The following COX7A2 variants were observed in gnomAD, a reference collection of about 807,000 sequenced individuals.
COX7A2 encodes the protein cytochrome c oxidase subunit 7A2, mitochondrial.
A neutral mutation model predicts 11.6 loss-of-function variants in COX7A2; 11 were observed. The ratio of observed to expected loss-of-function variants is 0.95; its 90% CI spans 0.60 to 1.57. The LOEUF (loss-of-function observed/expected upper bound fraction) is 1.57, where lower values mean the gene tolerates loss of function less well. COX7A2 is among the 40% of genes most tolerant of loss of function. The pLI, the probability that COX7A2 is intolerant of heterozygous loss-of-function variation, is 0.00. For synonymous variants in COX7A2, 30 were observed against 38.2 expected, an observed-to-expected ratio of 0.78 and a Z score of 0.79; for missense variants, 106 against 100.9, an observed-to-expected ratio of 1.05 and a Z score of -0.22.
chr6:75,241,072 T>C (rs1771486967), intron 2 of COX7A2, 104 bp downstream of exon 2: 2 of 1,394,500 alleles, frequency 1.4e-6, no homozygotes, highest in Non-Finnish European at 9.7e-7. Flanking sequence ...GTAATGTTTA[T>C]ATTGTCATAT....
At chr6:75,243,520 A>G (rs1771588222) in intron 1 of COX7A2, among the ~76,000 whole-genome samples, 197 bp downstream of exon 1, 1 of 152,074 alleles carries the variant, frequency 6.6e-6, no homozygotes, top group African/African-American at 2.4e-5. Context: ...TCCACTCCTT[A>G]CATCTACCCA....
At chr6:75,242,228 G>A (rs1771525291) in intron 1 of COX7A2, among the ~76,000 whole-genome samples, 1 of 151,982 alleles carries the variant, frequency 6.6e-6, no homozygotes, top group East Asian at 1.9e-4. Context: ...TACTTGGCCA[G>A]GCGCGGTGGC....
intron 1 of COX7A2, among the ~76,000 whole-genome samples, chr6:75,242,491 A>T (rs1771537303): frequency 6.8e-6 from 1 of 147,782 alleles, no homozygotes; most frequent in Non-Finnish European, 1.5e-5. Context: ...GGGCGACAAG[A>T]ATGAAACTCC....
At chr6:75,247,226 C>T (rs1008116413), upstream of COX7A2, among the ~76,000 whole-genome samples, 200 of 151,826 alleles carry the variant, frequency 1.3e-3, no homozygotes, top group African/African-American at 4.6e-3. Context: ...CCTTTTTTTC[C>T]TTGTCTGCTT....
chr6:75,249,765 T>G (rs1771751559), intron 1 of COX7A2, among the ~76,000 whole-genome samples: 3 of 152,200 alleles, frequency 2.0e-5, no homozygotes, highest in Admixed American at 2.0e-4. Flanking sequence ...TTAAACAACT[T>G]GAAGGGCTAC....
At chr6:75,242,200 CA>C (rs754113298) in intron 1 of COX7A2, among the ~76,000 whole-genome samples, 165 of 141,648 alleles carry the variant, frequency 1.2e-3, no homozygotes, top group African/African-American at 2.4e-3. Flanking sequence ...AACTCCATCT[CA>C]AAAAAAAAAA....
At position 75,243,634 on chromosome 6, in the gene COX7A2, G is replaced by A. The variant is rs1381448864; in HGVS notation, c.18+83C>T. ...TTAGCCGCCTTCGGCACCCCTCCCA[G>A]GTGAGGGTTTTCTGTCGTGGTGCCT... On this transcript the variant is annotated intron_variant, in intron 1 of 3. Transcript: ENST00000684430. 5.2e-6 allele frequency: 7 copies of A among 1,344,042 alleles called. No individual in the cohort carries two copies. In the Admixed American group the frequency reaches 5.3e-5, roughly 10 times the overall value. 83.3% of individuals were successfully genotyped at this position (1,344,042 alleles called of 1,614,324 possible).
intron 3 of COX7A2, among the ~76,000 whole-genome samples, chr6:75,240,052 G>A (rs1358779866): frequency 6.6e-6 from 1 of 151,920 alleles, no homozygotes; most frequent in Non-Finnish European, 1.5e-5. Context: ...AGTGAGCCGA[G>A]ATCGCGCCAT....
At chr6:75,244,952 A>C (rs1771647554), upstream of COX7A2, among the ~76,000 whole-genome samples, 1 of 152,130 alleles carries the variant, frequency 6.6e-6, no homozygotes, top group African/African-American at 2.4e-5. Flanking sequence ...CTCTGGGCAA[A>C]ATTACCACGT....
intron 1 of COX7A2, among the ~76,000 whole-genome samples, chr6:75,248,901 G>A (rs1771735412): frequency 6.6e-6 from 1 of 152,150 alleles, no homozygotes; most frequent in Non-Finnish European, 1.5e-5. Context: ...CCAGATGACT[G>A]GTACAACAAA....
chr6:75,250,008 G>C (rs934183385), intron 1 of COX7A2: 1 of 146,934 alleles, frequency 6.8e-6, no homozygotes, highest in East Asian at 2.0e-4. Flanking sequence ...ACACAATACA[G>C]TGATTAGGTT....
chr6:75,243,396 G>C (rs1248842510), intron 1 of COX7A2, among the ~76,000 whole-genome samples: 2 of 152,054 alleles, frequency 1.3e-5, no homozygotes, highest in Non-Finnish European at 2.9e-5. Context: ...CCTGGGTCTT[G>C]GTTTTACTCA....
chr6:75,240,370 GA>G lies in COX7A2; in HGVS notation c.123del (p.Pro42HisfsTer4). The G allele has an allele frequency of 6.4e-7, 1 of 1,556,716 alleles. No homozygotes were observed. The highest frequency in any genetic ancestry group is 8.7e-7 in the Non-Finnish European group (1 of 1,152,746). On this transcript the variant is annotated frameshift_variant, in exon 3 of 4. Transcript: ENST00000684430. LOFTEE classifies it high-confidence loss of function. ...KQKLFQEDDEIPLYLKGGVAD... is the reference protein window; with the variant it reads ...KQKLFQEDDEXPLYLKGGVAD... ...GCTACCCCACCCTTTAGATACAGTG[GA>G]ATTTCATCATCCTCCTAGATTTAAA... is the stretch of plus-strand genomic sequence containing the variant.
upstream of COX7A2, among the ~76,000 whole-genome samples, chr6:75,246,057 A>C (rs1212668080): frequency 6.6e-6 from 1 of 152,006 alleles, no homozygotes; most frequent in Non-Finnish European, 1.5e-5. Context: ...ACATTCATCC[A>C]TTTTGTGATT....
At chr6:75,239,894 G>C (rs1425586466) in intron 3 of COX7A2, among the ~76,000 whole-genome samples, 1 of 152,126 alleles carries the variant, frequency 6.6e-6, no homozygotes, top group African/African-American at 2.4e-5. Flanking sequence ...CTGAGGTCAG[G>C]AGTTCAAGAC....
chr6:75,243,041 C>T (rs1320354773), intron 1 of COX7A2, among the ~76,000 whole-genome samples: 1 of 152,088 alleles, frequency 6.6e-6, no homozygotes, highest in Non-Finnish European at 1.5e-5. Context: ...AACAAATATG[C>T]TCTCGATTTT....
Position 75,243,760 on chromosome 6 carries a change from C to A in COX7A2, c.-26G>T, listed in dbSNP as rs1211922332. ...CTTGGCTGTTACTGACCAGCAACCG[C>A]CACAACTGAACACCACCAACGAAAA... is the stretch of plus-strand genomic sequence containing the variant. On this transcript the variant is annotated 5_prime_UTR_variant, in exon 1 of 4. Coordinates refer to ENST00000684430, the MANE Select transcript of COX7A2 (RefSeq NM_001366293.2). The A allele has an allele frequency of 6.2e-7, 1 of 1,614,070 alleles. No individual in the cohort carries two copies. The highest frequency in any genetic ancestry group is 1.7e-5 in the Admixed American group (1 of 60,014).
chr6:75,248,850 T>A (rs560927234), intron 1 of COX7A2, among the ~76,000 whole-genome samples: 1 of 152,326 alleles, frequency 6.6e-6, no homozygotes, highest in African/African-American at 2.4e-5. Flanking sequence ...ATTAGGAATA[T>A]CATACATAAC....
upstream of COX7A2, chr6:75,243,841 A>C: frequency 2.5e-6 from 4 of 1,612,882 alleles, no homozygotes; most frequent in Non-Finnish European, 3.4e-6. Flanking sequence ...TCACGAACTT[A>C]AATCTTTCCG....
Sources: gnomAD v4.1 joint callset for allele counts (sites outside exome capture counted in the v4.1 genomes callset) on GRCh38, gnomAD v4.1.1 for gene constraint, MANE v1.5 for transcripts, NCBI Gene and HGNC (gene_info 2026-07-23, HGNC 2026-07-21) for gene names.